The following TECRL variants were observed in gnomAD, a reference collection of about 807,000 sequenced individuals.
TECRL encodes trans-2,3-enoyl-CoA reductase-like.
In TECRL, 63 loss-of-function variants were observed where a neutral mutation model predicts 52.8. That is an observed-to-expected ratio of 1.19 (90% confidence interval 0.97 to 1.47). The LOEUF (loss-of-function observed/expected upper bound fraction) is 1.47, where lower values mean the gene tolerates loss of function less well. Ranked by LOEUF, TECRL falls within the 40% of genes most tolerant of loss-of-function variation. The pLI, the probability that TECRL is intolerant of heterozygous loss-of-function variation, is 0.00. For synonymous variants in TECRL, 164 were observed against 141.9 expected (o/e 1.16, Z -1.10); for missense variants, 482 against 429.6 (o/e 1.12, Z -1.08).
Position 64,314,575 on chromosome 4 carries a change from C to T in TECRL, c.551+73G>A, listed in dbSNP as rs1577855959. The T allele has an allele frequency of 2.6e-6, 3 of 1,142,510 alleles. 1 individual carries two copies. The East Asian group carries it at 7.2e-5, about 28-fold the overall frequency. 70.8% of individuals were successfully genotyped at this position (1,142,510 alleles called of 1,614,324 possible). ...TTTTACCTGCTTACTAGTTCATCCCCTCCTTAACGTGTATGGTGTGTGTGT... is the reference window on the plus strand; with the variant it reads ...TTTTACCTGCTTACTAGTTCATCCCTTCCTTAACGTGTATGGTGTGTGTGT... On this transcript the variant is annotated intron_variant, in intron 5 of 11. Coordinates refer to ENST00000381210, the MANE Select transcript of TECRL (RefSeq NM_001010874.5).
chr4:64,305,540 G>A (rs181380812), intron 6 of TECRL, among the ~76,000 whole-genome samples: 1 of 152,232 alleles, frequency 6.6e-6, no homozygotes, highest in East Asian at 1.9e-4. Context: ...CCCTGTTATG[G>A]AGTTAGCAGG....
chr4:64,288,077 AG>A (rs1272716036), intron 9 of TECRL, among the ~76,000 whole-genome samples: 1 of 151,926 alleles, frequency 6.6e-6, no homozygotes, highest in African/African-American at 2.4e-5. Flanking sequence ...AACCGCTTAA[AG>A]GCAGAAGTTG....
At chr4:64,353,022 T>C (rs550689912) in intron 2 of TECRL, among the ~76,000 whole-genome samples, 2 of 152,338 alleles carry the variant, frequency 1.3e-5, no homozygotes, top group African/African-American at 4.8e-5. Context: ...CCCAATTCAA[T>C]ACTTTGTTTC....
Position 64,289,753 on chromosome 4 carries a change from C to T in TECRL, c.789G>A (p.Gly263=). The T allele has an allele frequency of 4.5e-6, 7 of 1,547,764 alleles. No homozygotes were observed. Among genetic ancestry groups the T allele is most frequent in the Non-Finnish European group, 6.1e-6 (7 of 1,157,000 alleles). Residue 263 remains glycine, a synonymous_variant, in exon 9 of 12, where the codon GGG becomes GGA. Coordinates refer to ENST00000381210, the MANE Select transcript of TECRL (RefSeq NM_001010874.5). ...ACAACATTACATTGATGAAATGATT[C>T]CCAGCTTCACAAATCTGCAAAACAT... ...SAINFLICEA[G]NHFINVMLSH...
chr4:64,342,937 A>T (rs982946900), intron 2 of TECRL, among the ~76,000 whole-genome samples: 3 of 152,198 alleles, frequency 2.0e-5, no homozygotes, highest in Non-Finnish European at 4.4e-5. Flanking sequence ...TTATAAAAAC[A>T]TAAAGTTAGG....
chr4:64,333,223 T>TG (rs910478964), intron 2 of TECRL, among the ~76,000 whole-genome samples: 3 of 152,026 alleles, frequency 2.0e-5, no homozygotes, highest in African/African-American at 7.2e-5. Context: ...AACAAATTAA[T>TG]GGCAATTAAA....
At chr4:64,314,833 G>T in intron 4 of TECRL, 70 bp from the exon 5 acceptor site, 1 of 1,084,800 alleles carries the variant, frequency 9.2e-7, no homozygotes, top group Non-Finnish European at 1.4e-6. Flanking sequence ...GTGTCTATGA[G>T]TATTAGCCTA....
intron 2 of TECRL, among the ~76,000 whole-genome samples, chr4:64,356,316 G>GAT (rs1328016946): frequency 2.0e-5 from 3 of 152,064 alleles, no homozygotes; most frequent in Non-Finnish European, 2.9e-5. Flanking sequence ...TGCTGAGGAG[G>GAT]ATTAGTAAAA....
chr4:64,348,681 C>T (rs541966716), intron 2 of TECRL, among the ~76,000 whole-genome samples: 19 of 152,282 alleles, frequency 1.2e-4, no homozygotes, highest in African/African-American at 3.6e-4. Context: ...ATATTTCTTA[C>T]TGTGTCCCTG....
chr4:64,408,054 T>C (rs998614236), intron 1 of TECRL, among the ~76,000 whole-genome samples: 1 of 151,760 alleles, frequency 6.6e-6, no homozygotes, highest in Admixed American at 6.6e-5. Flanking sequence ...CTGTGTGCAC[T>C]AATAAAAGGT....
At position 64,405,620 on chromosome 4, in the gene TECRL, C is replaced by A. The variant is rs1724657919; in HGVS notation, c.234+3498G>T. On this transcript the variant is annotated intron_variant, in intron 1 of 11. Transcript: ENST00000381210. ...ATATATAGATATGTAGATTTACAGT[C>A]CAAGGAAAATAATAGGTTACAGTAT... 1.3e-5 allele frequency among the ~76,000 whole-genome samples: 2 copies of A among 151,906 alleles called. 1 individual carries two copies. Among genetic ancestry groups the A allele is most frequent in the Non-Finnish European group, 2.9e-5 (2 of 67,954 alleles).
intron 8 of TECRL, among the ~76,000 whole-genome samples, chr4:64,294,678 A>G (rs1577817336): frequency 6.6e-6 from 1 of 152,140 alleles, no homozygotes; most frequent in African/African-American, 2.4e-5. Flanking sequence ...AAATCTGTGT[A>G]GTATGAACCA....
At chr4:64,396,525 G>A (rs138167653) in intron 1 of TECRL, among the ~76,000 whole-genome samples, 305 of 151,970 alleles carry the variant, frequency 2.0e-3, no homozygotes, top group African/African-American at 7.1e-3. Context: ...ATGTTCAATT[G>A]TTTAAGTTCC....
chr4:64,293,548 G>A (rs919571855), intron 8 of TECRL, among the ~76,000 whole-genome samples: 1 of 152,110 alleles, frequency 6.6e-6, no homozygotes, highest in African/African-American at 2.4e-5. Context: ...GTTAAGCATT[G>A]TGTCTTGGTC....
At chr4:64,307,538 T>C (rs1033385309) in intron 6 of TECRL, among the ~76,000 whole-genome samples, 15 of 152,076 alleles carry the variant, frequency 9.9e-5, no homozygotes, top group African/African-American at 3.6e-4. Flanking sequence ...ACCCTAAAAG[T>C]GGAAGACAGA....
chr4:64,376,824 G>A (rs1354229940), intron 1 of TECRL, among the ~76,000 whole-genome samples: 1 of 151,868 alleles, frequency 6.6e-6, no homozygotes, highest in South Asian at 2.1e-4. Flanking sequence ...ATGGAGCTGA[G>A]GATAATGACC....
chr4:64,398,165 T>A (rs1400076528), intron 1 of TECRL, among the ~76,000 whole-genome samples: 1 of 152,194 alleles, frequency 6.6e-6, no homozygotes, highest in Non-Finnish European at 1.5e-5. Context: ...TGTATCTATG[T>A]CCTAATTTAT....
chr4:64,307,358 C>G (rs1010966354), intron 6 of TECRL, among the ~76,000 whole-genome samples: 6 of 152,138 alleles, frequency 3.9e-5, no homozygotes, highest in African/African-American at 1.4e-4. Flanking sequence ...AGCTGGGGTG[C>G]AGCATAGGTA....
chr4:64,397,439 A>T (rs552321150), intron 1 of TECRL, among the ~76,000 whole-genome samples: 56 of 151,858 alleles, frequency 3.7e-4, no homozygotes, highest in Middle Eastern at 3.4e-3. Flanking sequence ...AATATGTTGA[A>T]ATTTTAACAC....
Sources: allele counts gnomAD v4.1 joint callset (sites outside exome capture counted in the v4.1 genomes callset), GRCh38; gene constraint gnomAD v4.1.1; transcripts MANE v1.5; gene names NCBI Gene and HGNC (gene_info 2026-07-23, HGNC 2026-07-21).